ARAP1: variants seen among roughly 807,000 people sequenced by gnomAD.
ARAP1 encodes arf-GAP with Rho-GAP domain, ANK repeat and PH domain-containing protein 1.
In ARAP1, 76 loss-of-function variants were observed where a neutral mutation model predicts 172.2. The ratio of observed to expected loss-of-function variants is 0.44; its 90% CI spans 0.37 to 0.53. ARAP1 has a LOEUF of 0.53. Among genes scored for constraint, ARAP1 ranks in the 20% least tolerant of loss-of-function variants. The pLI is 0.00. For missense variants in ARAP1, 1,686 were observed against 1,977.5 expected (o/e 0.85, Z 2.80); for synonymous variants, 804 against 803.3 (o/e 1.00, Z -0.01).
intron 1 of ARAP1, among the ~76,000 whole-genome samples, chr11:72,737,590 C>T (rs1286695217): frequency 6.6e-6 from 1 of 152,060 alleles, no homozygotes; most frequent in Non-Finnish European, 1.5e-5. Context: ...AACCATGTGC[C>T]CAGCCCCTGC....
chr11:72,701,762 A>G lies in ARAP1; in HGVS notation c.2189T>C (p.Met730Thr), dbSNP rs764770596. ...RTTEVPRLDS[M>T]KPLEKHYSVV... is the part of the protein sequence containing the mutation. ...TGAGTAGTGCTTTTCCAGGGGCTTC[A>G]TCGAGTCCAGCCGAGGCACCTCTTT... The change falls in exon 16 of 35, where the codon ATG becomes ACG. Residue 730 changes from methionine to threonine, a missense_variant. Physicochemically the swap from Met to Thr is moderately conservative, Grantham distance 81. Transcript: ENST00000393609. 1.9e-6 allele frequency: 3 copies of G among 1,613,868 alleles called. No individual in the cohort carries two copies. In the South Asian group the frequency reaches 3.3e-5, roughly 18 times the overall value.
intron 3 of ARAP1, among the ~76,000 whole-genome samples, chr11:72,721,231 T>C (rs1857494556): frequency 6.6e-6 from 1 of 152,090 alleles, no homozygotes; most frequent in Non-Finnish European, 1.5e-5. Context: ...CACAGGATTG[T>C]TGAATTCATT....
intron 30 of ARAP1, among the ~76,000 whole-genome samples, chr11:72,689,077 C>T (rs1460814822): frequency 6.6e-6 from 1 of 152,312 alleles, no homozygotes; most frequent in Non-Finnish European, 1.5e-5. Flanking sequence ...GTTACTAGCT[C>T]TTTGGTTCCA....
chr11:72,711,313 G>A, intron 8 of ARAP1, 117 bp downstream of exon 8: 3 of 1,472,918 alleles, frequency 2.0e-6, no homozygotes, highest in Admixed American at 1.8e-5. Context: ...CATGGGTTAA[G>A]GGGTCAGACT....
At chr11:72,703,411 G>A (rs997052121) in intron 14 of ARAP1, 3 of 173,516 alleles carry the variant, frequency 1.7e-5, no homozygotes, top group East Asian at 1.4e-4. Context: ...GAGGAGCCGG[G>A]GGGGGGGTGT....
rs907922857 is a variant in ARAP1 at position 72,711,315 on chromosome 11, G to A, written c.1092+115C>T. 114 of 1,473,718 alleles carry A rather than the reference G, an allele frequency of 7.7e-5. No homozygotes were observed. The Admixed American group carries it at 2.0e-3, about 26-fold the overall frequency. 91.3% of individuals were successfully genotyped at this position (1,473,718 alleles called of 1,614,324 possible). On this transcript the variant is annotated intron_variant, in intron 8 of 34. Transcript: ENST00000393609. The stretch of plus-strand genomic sequence containing the variant: ...AGGGCCAGGAGGACATGGGTTAAGG[G>A]GTCAGACTTAGAACTCTGGCGAGGA...
rs770022975 is a variant in ARAP1, at chr11:72,707,314, G to A, written c.1584C>T (p.Ile528=). ...EQWLEAMQGA[I]AEALSTSEVA... ...CCTCCGAGGTAGACAGGGCCTCAGC[G>A]ATGGCTCCCTGCATGGCCTCCAACC... Residue 528 remains isoleucine, a synonymous_variant, in exon 12 of 35, where the codon ATC becomes ATT. Coordinates refer to ENST00000393609, the MANE Select transcript of ARAP1 (RefSeq NM_001040118.3). 4.3e-6 allele frequency: 7 copies of A among 1,613,750 alleles called. No homozygotes were observed. Among genetic ancestry groups the A allele is most frequent in the South Asian group, 2.2e-5 (2 of 91,032 alleles).
At chr11:72,707,948 T>A (rs1158470878) in intron 11 of ARAP1, among the ~76,000 whole-genome samples, 1 of 151,896 alleles carries the variant, frequency 6.6e-6, no homozygotes, top group Non-Finnish European at 1.5e-5. Flanking sequence ...CAGCCCCAAA[T>A]GTGACATGCT....
intron 22 of ARAP1, 102 bp downstream of exon 22, chr11:72,696,881 T>C: frequency 8.0e-7 from 1 of 1,252,188 alleles, no homozygotes; most frequent in African/African-American, 1.5e-5. Context: ...CTGGAGCCTG[T>C]GGGTTAGGGT....
Position 72,709,158 on chromosome 11 carries a change from T to C in ARAP1, c.1523+712A>G, listed in dbSNP as rs1027185311. ...GGGAGATGCCCACAGCTGTCAGATATGCAGGCCAGAGCTCAGCAGAAAGAT... is the reference window on the plus strand; with the variant it reads ...GGGAGATGCCCACAGCTGTCAGATACGCAGGCCAGAGCTCAGCAGAAAGAT... On this transcript the variant is annotated intron_variant, in intron 11 of 34. Transcript: ENST00000393609. Among the ~76,000 whole-genome samples the C allele has an allele frequency of 8.6e-5, 13 of 151,638 alleles. No homozygotes were observed. In the East Asian group the frequency reaches 1.6e-3, roughly 18 times the overall value.
chr11:72,714,055 C>T (rs1857164976), intron 4 of ARAP1, 97 bp downstream of exon 4: 8 of 1,291,418 alleles, frequency 6.2e-6, no homozygotes. Context: ...CAGGCTTGCA[C>T]AGAAAGGAGT....
rs138209865 is a variant in ARAP1 at position 72,697,356 on chromosome 11, C to T, written c.2920G>A (p.Val974Met). Residue 974 changes from valine (V) to methionine (M), a missense_variant, in exon 21 of 35, where the codon GTG becomes ATG. Val to Met is a conservative substitution (Grantham distance 21). This residue lies in a region of ARAP1 where 274 missense variants were observed against 262.7 expected (regional missense o/e 1.04). Transcript: ENST00000393609. ...QLGDSDIPVIVYRCVDYITQC... is the reference protein window; with the variant it reads ...QLGDSDIPVIMYRCVDYITQC... ...GTGATGTAGTCCACACAGCGGTACA[C>T]GATCACCGGGATATCCGAGTCCCCA... 3.1e-6 allele frequency: 5 copies of T among 1,601,708 alleles called. No homozygotes were observed. The highest frequency in any genetic ancestry group is 4.3e-6 in the Non-Finnish European group (5 of 1,174,430).
At chr11:72,742,922 C>T (rs895861172) in intron 1 of ARAP1, among the ~76,000 whole-genome samples, 2 of 152,192 alleles carry the variant, frequency 1.3e-5, no homozygotes, top group African/African-American at 4.8e-5. Flanking sequence ...CCTGTGTGCC[C>T]CCACTCAACT....
chr11:72,703,408 CG>C (rs56850317), intron 14 of ARAP1: 76,887 of 115,002 alleles, frequency 0.67, 23,866 homozygotes, highest in African/African-American at 0.73. Flanking sequence ...GTGGAGGAGC[CG>C]GGGGGGGGGT....
chr11:72,696,707 CA>C, intron 22 of ARAP1, 53 bp from the exon 23 acceptor site: 6 of 1,462,954 alleles, frequency 4.1e-6, no homozygotes, highest in Non-Finnish European at 5.6e-6. Context: ...ATCTTCCCCC[CA>C]CCCCGCCTGG....
rs1855750279 is a variant in ARAP1, at chr11:72,687,698, TC to T, written c.4110del (p.Lys1371SerfsTer52). 1 of 1,614,052 alleles carries T rather than the reference TC, an allele frequency of 6.2e-7. No individual in the cohort carries two copies. Among genetic ancestry groups the T allele is most frequent in the African/African-American group, 1.3e-5 (1 of 74,904 alleles). On this transcript the variant is annotated frameshift_variant, in exon 32 of 35. Transcript: ENST00000393609. LOFTEE classifies it high-confidence loss of function. The part of the protein sequence containing the change: ...FTVVHETEKH[E>X]KQQWYLCCDT... ...GAGGCGCTCACTCACCACTGCTGCT[TC>T]TCATGTTTCTCTGTCTCATGCACCA... is the stretch of plus-strand genomic sequence containing the variant.
chr11:72,709,134 G>A (rs1856898638), intron 11 of ARAP1, among the ~76,000 whole-genome samples: 2 of 152,152 alleles, frequency 1.3e-5, no homozygotes, highest in Admixed American at 6.5e-5. Context: ...GCTGAAAAGG[G>A]GAGATGCCCA....
chr11:72,685,608 T>C lies in ARAP1; in HGVS notation c.*56A>G. ...ATCAGGCCTTGGAGCATAAGGGGTG[T>C]CTGAACAGAAGGCTTCCAGCGGCGG... On this transcript the variant is annotated 3_prime_UTR_variant, in exon 35 of 35. Coordinates refer to ENST00000393609, the MANE Select transcript of ARAP1 (RefSeq NM_001040118.3). The C allele has an allele frequency of 3.1e-6, 5 of 1,613,478 alleles. No homozygotes were observed. In the South Asian group the frequency reaches 5.5e-5, roughly 18 times the overall value.
chr11:72,749,812 G>A (rs1858481948), intron 1 of ARAP1, among the ~76,000 whole-genome samples: 1 of 151,602 alleles, frequency 6.6e-6, no homozygotes, highest in Non-Finnish European at 1.5e-5. Flanking sequence ...AACCCAGAAG[G>A]TGGAGCCAAG....
Sources: allele counts gnomAD v4.1 joint callset (sites outside exome capture counted in the v4.1 genomes callset), GRCh38; gene constraint gnomAD v4.1.1; regional missense constraint gnomAD v4.1.1; transcripts MANE v1.5; gene names NCBI Gene and HGNC (gene_info 2026-07-23, HGNC 2026-07-21).